The following NRG3 variants were observed in gnomAD, a reference collection of about 807,000 sequenced individuals.
NRG3 encodes pro-neuregulin-3, membrane-bound isoform.
NRG3 carries 31 observed loss-of-function variants against 66.9 expected under a neutral mutation model. The observed-to-expected ratio is 0.46, with a 90% confidence interval of 0.35 to 0.63. The LOEUF is 0.63. Among genes scored for constraint, NRG3 ranks in the 20% least tolerant of loss-of-function variants. The pLI is 0.00. For missense variants in NRG3, 910 were observed against 878.9 expected (o/e 1.04, Z -0.45); for synonymous variants, 393 against 359.4 (o/e 1.09, Z -1.06).
chr10:82,438,976 G>A (rs758652785), intron 2 of NRG3, among the ~76,000 whole-genome samples: 40 of 150,694 alleles, frequency 2.7e-4, no homozygotes, highest in Admixed American at 2.6e-4. Flanking sequence ...CCTTCTAGTC[G>A]GCCACCTTGG....
intron 2 of NRG3, among the ~76,000 whole-genome samples, chr10:82,447,450 C>T (rs1380753059): frequency 1.3e-5 from 2 of 152,152 alleles, no homozygotes; most frequent in Admixed American, 6.5e-5. Context: ...AAAAAATTAT[C>T]ATTGAAAGAA....
chr10:82,535,600 AGGGCT>A (rs1242536059), intron 2 of NRG3, among the ~76,000 whole-genome samples: 4 of 152,152 alleles, frequency 2.6e-5, no homozygotes, highest in African/African-American at 4.8e-5. Context: ...GAAATGATAA[AGGGCT>A]GGAATTGTTT....
intron 2 of NRG3, among the ~76,000 whole-genome samples, chr10:82,549,081 A>G (rs2044130940): frequency 6.6e-6 from 1 of 152,160 alleles, no homozygotes; most frequent in Non-Finnish European, 1.5e-5. Flanking sequence ...TCACTCCAGC[A>G]TTTACAAGTT....
intron 2 of NRG3, among the ~76,000 whole-genome samples, chr10:82,540,442 G>T (rs1424627345): frequency 2.0e-5 from 3 of 151,964 alleles, no homozygotes; most frequent in African/African-American, 7.2e-5. Context: ...AGACAAATTA[G>T]GTAGTGAGTG....
chr10:82,718,582 T>C (rs2057114564), intron 2 of NRG3, among the ~76,000 whole-genome samples: 1 of 152,222 alleles, frequency 6.6e-6, no homozygotes, highest in Non-Finnish European at 1.5e-5. Flanking sequence ...CTTTGCAACT[T>C]GCTCAAATTA....
chr10:82,713,119 C>CAAAAAA (rs369968319), intron 2 of NRG3, among the ~76,000 whole-genome samples: 11 of 55,358 alleles, frequency 2.0e-4, no homozygotes, highest in African/African-American at 2.2e-4. Flanking sequence ...GACTTCATCT[C>CAAAAAA]AAAAAAAAAA....
intron 1 of NRG3, among the ~76,000 whole-genome samples, chr10:82,191,666 G>A (rs2074150577): frequency 6.6e-6 from 1 of 152,098 alleles, no homozygotes. Flanking sequence ...TCTACAAGAG[G>A]GAACTTCATT....
intron 5 of NRG3, among the ~76,000 whole-genome samples, chr10:82,957,823 A>G (rs1354775554): frequency 2.0e-5 from 3 of 151,898 alleles, no homozygotes; most frequent in Non-Finnish European, 4.4e-5. Context: ...TGCAACACTT[A>G]TTTCCAAATA....
Position 82,394,188 on chromosome 10 carries a change from G to A in NRG3, c.953+35320G>A, listed in dbSNP as rs528440689. Among the ~76,000 whole-genome samples, 4 of 152,304 alleles carry A rather than the reference G, an allele frequency of 2.6e-5. No homozygotes were observed. In the South Asian group the frequency reaches 8.3e-4, roughly 32 times the overall value. ...GAGCATTTCCCTTTGGGTTGAGCGTGAGGGGGCTTCTTCTTCCTCTCTCAT... is the reference window on the plus strand; with the variant it reads ...GAGCATTTCCCTTTGGGTTGAGCGTAAGGGGGCTTCTTCTTCCTCTCTCAT... On this transcript the variant is annotated intron_variant, in intron 2 of 8. Coordinates refer to ENST00000372141, the MANE Select transcript of NRG3 (RefSeq NM_001010848.4).
rs79638936 is a variant in NRG3, at chr10:82,315,192, G to A, written c.824-43547G>A. Among the ~76,000 whole-genome samples the A allele has an allele frequency of 3.0e-3, 454 of 152,224 alleles. 5 individuals carry two copies. Among genetic ancestry groups the A allele is most frequent in the African/African-American group, 0.01 (425 of 41,534 alleles). On this transcript the variant is annotated intron_variant, in intron 1 of 8. Transcript: ENST00000372141. ...TCATTTCAAAGAAAGGCAGTGCAAGGTCTGTTATTAGCAATGTGTGGGGTC... is the reference window on the plus strand; with the variant it reads ...TCATTTCAAAGAAAGGCAGTGCAAGATCTGTTATTAGCAATGTGTGGGGTC...
At chr10:82,160,107 T>C (rs532978018) in intron 1 of NRG3, among the ~76,000 whole-genome samples, 31 of 152,138 alleles carry the variant, frequency 2.0e-4, no homozygotes, top group Non-Finnish European at 3.7e-4. Context: ...ATTACCACTA[T>C]GGTTGACAAG....
At chr10:82,894,504 G>A (rs906280972) in intron 4 of NRG3, among the ~76,000 whole-genome samples, 3 of 152,002 alleles carry the variant, frequency 2.0e-5, no homozygotes, top group African/African-American at 4.8e-5. Context: ...TTTGTCATCC[G>A]TAATACCAAT....
intron 2 of NRG3, among the ~76,000 whole-genome samples, chr10:82,613,996 G>A (rs1016205210): frequency 5.3e-5 from 8 of 151,724 alleles, no homozygotes; most frequent in South Asian, 4.2e-4. Flanking sequence ...TCTGCCTTCC[G>A]GGTTCAAGCA....
At chr10:82,016,200 G>T (rs1291816724) in intron 1 of NRG3, among the ~76,000 whole-genome samples, 1 of 152,018 alleles carries the variant, frequency 6.6e-6, no homozygotes, top group African/African-American at 2.4e-5. Context: ...TCATATTAAT[G>T]CAGTAGAAGT....
chr10:82,738,440 AAC>A, intron 2 of NRG3, 135 bp from the exon 3 acceptor site: 1 of 711,366 alleles, frequency 1.4e-6, no homozygotes, highest in Non-Finnish European at 2.5e-6. Flanking sequence ...TGAGGTCAGA[AAC>A]AGACTGAATC....
At chr10:82,911,112 T>C (rs1012274989) in intron 4 of NRG3, among the ~76,000 whole-genome samples, 4 of 152,198 alleles carry the variant, frequency 2.6e-5, no homozygotes, top group Non-Finnish European at 5.9e-5. Context: ...GGTAAATATA[T>C]ATGTATGCAC....
At chr10:82,337,824 A>C (rs74365660) in intron 1 of NRG3, among the ~76,000 whole-genome samples, 1,739 of 152,340 alleles carry the variant, frequency 0.011, 29 homozygotes, top group African/African-American at 0.039. Context: ...GATGTATGAT[A>C]AAATTTATAT....
At chr10:82,834,483 T>C (rs898806052) in intron 3 of NRG3, among the ~76,000 whole-genome samples, 3 of 152,122 alleles carry the variant, frequency 2.0e-5, no homozygotes, top group Admixed American at 1.3e-4. Context: ...TAACAGCGAA[T>C]TGCAAATAAA....
chr10:82,490,311 C>A (rs1421465291), intron 2 of NRG3, among the ~76,000 whole-genome samples: 1 of 152,148 alleles, frequency 6.6e-6, no homozygotes, highest in African/African-American at 2.4e-5. Flanking sequence ...CATGCTCATA[C>A]AGAAGTCATC....
Sources: gnomAD v4.1 joint callset for allele counts (sites outside exome capture counted in the v4.1 genomes callset) on GRCh38, gnomAD v4.1.1 for gene constraint, MANE v1.5 for transcripts, NCBI Gene and HGNC (gene_info 2026-07-23, HGNC 2026-07-21) for gene names.